CDK15: variants seen among roughly 807,000 people sequenced by gnomAD.
CDK15 encodes cyclin-dependent kinase 15.
CDK15 carries 62 observed loss-of-function variants against 60.3 expected under a neutral mutation model. The observed-to-expected ratio is 1.03, with a 90% CI of 0.84 to 1.27. The LOEUF (loss-of-function observed/expected upper bound fraction) is 1.27, where lower values mean the gene tolerates loss of function less well. CDK15 is among the 50% of genes most tolerant of loss of function. The probability of loss-of-function intolerance (pLI) is 0.00; values close to 1 mark genes in which losing one functional copy is unlikely to be tolerated. For synonymous variants in CDK15, 194 were observed against 195.7 expected (o/e 0.99, Z 0.07); for missense variants, 541 against 527.8 (o/e 1.03, Z -0.25).
chr2:201,842,587 T>A (rs1346848788), intron 8 of CDK15, among the ~76,000 whole-genome samples: 1 of 152,192 alleles, frequency 6.6e-6, no homozygotes, highest in Non-Finnish European at 1.5e-5. Flanking sequence ...ATTTTGATAT[T>A]CTCCTTGCAC....
intron 10 of CDK15, among the ~76,000 whole-genome samples, chr2:201,859,008 TCA>T (rs1183813467): frequency 6.6e-6 from 1 of 152,086 alleles, no homozygotes; most frequent in Non-Finnish European, 1.5e-5. Context: ...AATAAACTGG[TCA>T]CACTTGCTAA....
intron 3 of CDK15, among the ~76,000 whole-genome samples, chr2:201,811,186 T>G (rs1276928945): frequency 6.7e-6 from 1 of 148,368 alleles, no homozygotes; most frequent in Non-Finnish European, 1.5e-5. Flanking sequence ...AGTCTTGCTC[T>G]GTCGCCCAGG....
intron 8 of CDK15, among the ~76,000 whole-genome samples, chr2:201,846,167 A>C (rs1269360645): frequency 6.6e-6 from 1 of 152,148 alleles, no homozygotes; most frequent in Non-Finnish European, 1.5e-5. Context: ...TTAGAATTGC[A>C]CATGTGTGAA....
rs1028297964 is a variant in CDK15 at position 201,849,661 on chromosome 2, A to G, written c.945+2187A>G. Among the ~76,000 whole-genome samples, 5 of 152,312 alleles carry G rather than the reference A, an allele frequency of 3.3e-5. No individual in the cohort carries two copies. The East Asian group carries it at 9.6e-4, about 29-fold the overall frequency. On this transcript the variant is annotated intron_variant, in intron 9 of 13. Transcript: ENST00000652192. ...AATATATGTGAAACAAACATAAACT[A>G]TGTATATATGTAAAAGGATGTATGT...
At chr2:201,878,080 T>C (rs113668934) in intron 11 of CDK15, among the ~76,000 whole-genome samples, 3 of 152,212 alleles carry the variant, frequency 2.0e-5, no homozygotes, top group African/African-American at 7.2e-5. Context: ...TGGTGTCTCA[T>C]GGCCATACAA....
At chr2:201,858,227 A>G (rs1407095315) in intron 10 of CDK15, among the ~76,000 whole-genome samples, 1 of 152,188 alleles carries the variant, frequency 6.6e-6, no homozygotes. Context: ...GTTTTCTTGG[A>G]GCTTTGATGA....
In CDK15 at chr2:201,807,438, G is replaced by A. The variant is rs896138697; in HGVS notation, c.124-56G>A. 983 of 1,549,970 alleles carry A rather than the reference G, an allele frequency of 6.3e-4. 8 individuals are homozygous for A. Among genetic ancestry groups the A allele is most frequent in the Admixed American group, 2.6e-4 (14 of 53,162 alleles). ...AAATAAAGAAAAAATGGTTTTACCA[G>A]GCACTGAATCTTTACTTTGCATAAA... On this transcript the variant is annotated intron_variant, in intron 1 of 13. Transcript: ENST00000652192.
chr2:201,835,972 A>AT (rs34332981), intron 8 of CDK15, among the ~76,000 whole-genome samples: 1 of 100,958 alleles, frequency 9.9e-6, no homozygotes, highest in Non-Finnish European at 1.9e-5. Context: ...ATATTTATAT[A>AT]TTTATATATT....
chr2:201,884,659 T>C (rs1196798813), intron 12 of CDK15, among the ~76,000 whole-genome samples: 2 of 152,248 alleles, frequency 1.3e-5, no homozygotes, highest in African/African-American at 2.4e-5. Flanking sequence ...ATACAAATTC[T>C]GTTTCTCCCA....
chr2:201,853,163 C>T (rs190161343), intron 9 of CDK15, among the ~76,000 whole-genome samples: 6 of 152,262 alleles, frequency 3.9e-5, no homozygotes, highest in Admixed American at 2.6e-4. Flanking sequence ...CTGGCCTTCT[C>T]CCACAAAAGA....
chr2:201,808,596 T>C (rs1248871445), intron 3 of CDK15: 1 of 152,180 alleles, frequency 6.6e-6, no homozygotes, highest in Non-Finnish European at 1.5e-5. Context: ...GTGGGAAAGT[T>C]GGATGGTCGC....
intron 12 of CDK15, among the ~76,000 whole-genome samples, chr2:201,887,291 A>C (rs1315130964): frequency 6.6e-6 from 1 of 152,220 alleles, no homozygotes; most frequent in Non-Finnish European, 1.5e-5. Flanking sequence ...TATCTCTGAA[A>C]ATTAATATGC....
chr2:201,891,275 C>T (rs568370155), intron 13 of CDK15, among the ~76,000 whole-genome samples: 2 of 152,176 alleles, frequency 1.3e-5, no homozygotes, highest in Non-Finnish European at 2.9e-5. Flanking sequence ...ACTCCTGGTG[C>T]GTCAGCCTCC....
chr2:201,819,043 AATATTT>A (rs1696110258), intron 4 of CDK15, among the ~76,000 whole-genome samples: 1 of 152,290 alleles, frequency 6.6e-6, no homozygotes, highest in Admixed American at 6.5e-5. Context: ...ACAATAAACA[AATATTT>A]ATATATAAAA....
At position 201,806,637 on chromosome 2, in the gene CDK15, C is replaced by T. The variant is rs1333645679; in HGVS notation, c.-28C>T. ...AGGCAGTGGGGGAAAGGTTCAAGTG[C>T]GGGTTTTCTCCTTGAACCTACAAGA... On this transcript the variant is annotated 5_prime_UTR_variant, in exon 1 of 14. Coordinates refer to ENST00000652192, the MANE Select transcript of CDK15 (RefSeq NM_001366386.2). The T allele has an allele frequency of 8.4e-6, 13 of 1,556,830 alleles. No individual in the cohort carries two copies. Among genetic ancestry groups the T allele is most frequent in the African/African-American group, 4.0e-5 (3 of 74,226 alleles).
intron 10 of CDK15, among the ~76,000 whole-genome samples, chr2:201,859,427 T>C (rs1698289281): frequency 6.6e-6 from 1 of 152,206 alleles, no homozygotes; most frequent in East Asian, 1.9e-4. Context: ...CACTCCGCTT[T>C]GAAGACTGAA....
intron 13 of CDK15, among the ~76,000 whole-genome samples, chr2:201,892,991 C>T (rs1038695587): frequency 2.6e-5 from 4 of 152,140 alleles, no homozygotes; most frequent in Non-Finnish European, 4.4e-5. Context: ...TGGATAGATA[C>T]CACACACCAG....
chr2:201,891,028 T>A (rs1699624360), intron 13 of CDK15, 101 bp downstream of exon 13: 1 of 612,270 alleles, frequency 1.6e-6, no homozygotes, highest in South Asian at 2.4e-5. Flanking sequence ...ACCTCTGTGC[T>A]GTTTCTAGTT....
chr2:201,807,659 A>G lies in CDK15; in HGVS notation c.273+16A>G. 1 of 1,613,834 alleles carries G rather than the reference A, an allele frequency of 6.2e-7. No individual in the cohort carries two copies. Among genetic ancestry groups the G allele is most frequent in the Non-Finnish European group, 8.5e-7 (1 of 1,179,818 alleles). On this transcript the variant is annotated intron_variant, in intron 2 of 13. Coordinates refer to ENST00000652192, the MANE Select transcript of CDK15 (RefSeq NM_001366386.2). Reference sequence around the variant, plus strand: ...TTTTCAGTGGGTGAGTGAGCAGCTGATGTTGATCAAGAAGAATTTAATGTG... The same window carrying G: ...TTTTCAGTGGGTGAGTGAGCAGCTGGTGTTGATCAAGAAGAATTTAATGTG...
Sources: allele counts gnomAD v4.1 joint callset (sites outside exome capture counted in the v4.1 genomes callset), GRCh38; gene constraint gnomAD v4.1.1; transcripts MANE v1.5; gene names NCBI Gene and HGNC (gene_info 2026-07-23, HGNC 2026-07-21).